BABAM2: variants seen among roughly 807,000 people sequenced by gnomAD.
BABAM2 encodes BRISC and BRCA1-A complex member 2.
BABAM2 carries 31 observed loss-of-function variants against 54.7 expected under a neutral mutation model. The ratio of observed to expected loss-of-function variants is 0.57; its 90% CI spans 0.43 to 0.77. The LOEUF (loss-of-function observed/expected upper bound fraction) is 0.77, where lower values mean the gene tolerates loss of function less well. BABAM2 is among the 30% of genes least tolerant of loss of function. BABAM2 has a pLI of 0.00. For missense variants in BABAM2, 364 were observed against 455.8 expected (o/e 0.80, Z 1.83); for synonymous variants, 167 against 162.9 (o/e 1.03, Z -0.19).
At chr2:28,209,507 C>G (rs1216756312) in intron 7 of BABAM2, among the ~76,000 whole-genome samples, 1 of 152,186 alleles carries the variant, frequency 6.6e-6, no homozygotes, top group Non-Finnish European at 1.5e-5. Context: ...TTTTATATTT[C>G]TGGACACTGA....
At chr2:28,046,289 T>C (rs2148612736) in intron 6 of BABAM2, among the ~76,000 whole-genome samples, 1 of 152,116 alleles carries the variant, frequency 6.6e-6, no homozygotes, top group South Asian at 2.1e-4. Flanking sequence ...ACCCTGTCTC[T>C]ACTAAAAAAA....
At chr2:28,069,906 G>A (rs11695353) in intron 6 of BABAM2, among the ~76,000 whole-genome samples, 23,646 of 152,136 alleles carry the variant, frequency 0.16, 2,532 homozygotes, top group Non-Finnish European at 0.23. Flanking sequence ...ATAGGGTCTC[G>A]CTCTGTTGCG....
At chr2:27,980,182 C>G (rs1373995491) in intron 3 of BABAM2, among the ~76,000 whole-genome samples, 1 of 151,842 alleles carries the variant, frequency 6.6e-6, no homozygotes, top group Non-Finnish European at 1.5e-5. Flanking sequence ...TTTTTTTAAA[C>G]CTCGCCTTAT....
intron 2 of BABAM2, among the ~76,000 whole-genome samples, chr2:27,906,112 C>T (rs1379353609): frequency 1.3e-5 from 2 of 152,140 alleles, no homozygotes; most frequent in Non-Finnish European, 2.9e-5. Context: ...AAGCGGTGGG[C>T]TGTTGAACTC....
Position 28,207,636 on chromosome 2 carries a change from G to C in BABAM2, c.681-29566G>C, listed in dbSNP as rs1020891184. On this transcript the variant is annotated intron_variant, in intron 7 of 11. Coordinates refer to ENST00000379624, the MANE Select transcript of BABAM2 (RefSeq NM_199191.3). The stretch of plus-strand genomic sequence containing the variant: ...CAGGTGCTCAAAAAATATTTAACTT[G>C]ATTTTCACAGATAAACATTTTGAAC... Among the ~76,000 whole-genome samples, 35 of 152,068 alleles carry C rather than the reference G, an allele frequency of 2.3e-4. 1 individual carries two copies. Among genetic ancestry groups the C allele is most frequent in the African/African-American group, 8.0e-4 (33 of 41,382 alleles).
intron 3 of BABAM2, among the ~76,000 whole-genome samples, chr2:27,961,347 C>G (rs1670453466): frequency 6.6e-6 from 1 of 152,162 alleles, no homozygotes; most frequent in South Asian, 2.1e-4. Context: ...AGAAACTATG[C>G]TTTGAGTACC....
intron 7 of BABAM2, among the ~76,000 whole-genome samples, chr2:28,196,786 C>T (rs1677608795): frequency 1.4e-5 from 2 of 145,636 alleles, no homozygotes; most frequent in African/African-American, 5.1e-5. Flanking sequence ...AAATTCAAGC[C>T]TATAGAGCTA....
chr2:28,204,715 G>GTAT (rs1678646461), intron 7 of BABAM2, among the ~76,000 whole-genome samples: 1 of 152,140 alleles, frequency 6.6e-6, no homozygotes, highest in Non-Finnish European at 1.5e-5. Context: ...TGCTTACTAT[G>GTAT]TATCAGGTAT....
chr2:28,210,777 G>A (rs1679374820), intron 7 of BABAM2, among the ~76,000 whole-genome samples: 1 of 152,122 alleles, frequency 6.6e-6, no homozygotes, highest in Non-Finnish European at 1.5e-5. Context: ...AAATACTTTT[G>A]GCCAGTCCCT....
intron 6 of BABAM2, among the ~76,000 whole-genome samples, chr2:28,056,185 T>A (rs1678396774): frequency 6.6e-6 from 1 of 152,130 alleles, no homozygotes. Context: ...AGTCTAGCAC[T>A]CTAATGTGCA....
chr2:27,988,109 G>A, intron 4 of BABAM2, 22 bp downstream of exon 4: 1 of 1,598,564 alleles, frequency 6.3e-7, no homozygotes, highest in African/African-American at 1.3e-5. Context: ...AGACTTGCTT[G>A]AATGATCTTT....
chr2:28,148,299 TA>T lies in BABAM2; in HGVS notation c.680+18921del, dbSNP rs1445981524. On this transcript the variant is annotated intron_variant, in intron 7 of 11. Coordinates refer to ENST00000379624, the MANE Select transcript of BABAM2 (RefSeq NM_199191.3). ...AGAGGCATGTGCTTTGGTGCCACAA[TA>T]AGGTAACCAGGACTGTTTATTAAGC... is the stretch of plus-strand genomic sequence containing the variant. Among the ~76,000 whole-genome samples, 10 of 152,300 alleles carry T rather than the reference TA, an allele frequency of 6.6e-5. No individual in the cohort carries two copies. The South Asian group carries it at 2.1e-3, about 32-fold the overall frequency.
rs1377574558 is a variant in BABAM2, at chr2:28,016,743, A to AT, written c.301-8476dup. ...GAGGATCACAGAACTACCCTGTTTA[A>AT]TTTTTTTGCCTTACCAATATTTATT... On this transcript the variant is annotated intron_variant, in intron 4 of 11. Transcript: ENST00000379624. Among the ~76,000 whole-genome samples, 7 of 152,150 alleles carry AT rather than the reference A, an allele frequency of 4.6e-5. 1 individual carries two copies. Among genetic ancestry groups the AT allele is most frequent in the Admixed American group, 4.6e-4 (7 of 15,272 alleles).
At chr2:28,028,716 CTT>C (rs1261508530) in intron 5 of BABAM2, among the ~76,000 whole-genome samples, 1 of 152,096 alleles carries the variant, frequency 6.6e-6, no homozygotes, top group East Asian at 1.9e-4. Context: ...GTTTCCCTGT[CTT>C]TTTTAGGCTA....
chr2:28,024,392 C>T (rs376508797), intron 4 of BABAM2, among the ~76,000 whole-genome samples: 6 of 149,388 alleles, frequency 4.0e-5, no homozygotes, highest in Non-Finnish European at 8.9e-5. Flanking sequence ...GGCGACAGAG[C>T]GAGACTCCAT....
At chr2:28,018,185 T>C (rs915471420) in intron 4 of BABAM2, among the ~76,000 whole-genome samples, 4 of 152,228 alleles carry the variant, frequency 2.6e-5, no homozygotes, top group Non-Finnish European at 5.9e-5. Flanking sequence ...GTCATTCTTA[T>C]ACCTTTGTGT....
chr2:27,902,460 C>T (rs553584270), intron 2 of BABAM2, among the ~76,000 whole-genome samples: 17 of 152,240 alleles, frequency 1.1e-4, no homozygotes, highest in Middle Eastern at 3.4e-3. Context: ...ATGTATACAT[C>T]TTCTATTTTA....
At chr2:28,219,847 G>A (rs1486699254) in intron 7 of BABAM2, among the ~76,000 whole-genome samples, 4 of 152,172 alleles carry the variant, frequency 2.6e-5, no homozygotes, top group Non-Finnish European at 5.9e-5. Context: ...AGCACGTAGG[G>A]TTTAATGCTC....
intron 6 of BABAM2, among the ~76,000 whole-genome samples, chr2:28,086,111 G>A (rs886802057): frequency 5.9e-5 from 9 of 152,068 alleles, no homozygotes; most frequent in Admixed American, 2.0e-4. Flanking sequence ...GAACTTGTCC[G>A]TCTGTAATTT....
Sources: allele counts gnomAD v4.1 joint callset (sites outside exome capture counted in the v4.1 genomes callset), GRCh38; gene constraint gnomAD v4.1.1; transcripts MANE v1.5; gene names NCBI Gene and HGNC (gene_info 2026-07-23, HGNC 2026-07-21).